The following EVI5 variants were observed in gnomAD, a reference collection of about 807,000 sequenced individuals.
The protein encoded by EVI5 is ecotropic viral integration site 5, also known as ecotropic viral integration site 5 protein homolog.
In EVI5, 73 loss-of-function variants were observed where a neutral mutation model predicts 112.0. The observed-to-expected ratio is 0.65, with a 90% CI of 0.54 to 0.79. The LOEUF is 0.79. EVI5 is among the 30% of genes least tolerant of loss of function. The pLI is 0.00. For synonymous variants in EVI5, 305 were observed against 319.9 expected (o/e 0.95, Z 0.50); for missense variants, 900 against 968.8 (o/e 0.93, Z 0.94).
In EVI5 at chr1:92,537,779, G is replaced by A. The variant is rs150804690; in HGVS notation, c.2167-23809C>T. 3.9e-4 allele frequency among the ~76,000 whole-genome samples: 56 copies of A among 145,052 alleles called. No homozygotes were observed. In the East Asian group the frequency reaches 5.7e-3, roughly 15 times the overall value. On this transcript the variant is annotated intron_variant, in intron 19 of 19. Transcript: ENST00000684568. ...ACAAGAGCCAAAATTCTAATCTACA[G>A]TACTTAAAAAAAAAAAACTAAAAAA... is the stretch of plus-strand genomic sequence containing the variant.
chr1:92,733,936 G>T (rs1421825866), intron 2 of EVI5, among the ~76,000 whole-genome samples: 1 of 152,028 alleles, frequency 6.6e-6, no homozygotes, highest in African/African-American at 2.4e-5. Flanking sequence ...GTCCCTTTTG[G>T]GACACTGTCA....
rs199522412 is a variant in EVI5, at chr1:92,512,085, T to C, written c.*1571A>G. On this transcript the variant is annotated 3_prime_UTR_variant, in exon 20 of 20. Coordinates refer to ENST00000684568, the MANE Select transcript of EVI5 (RefSeq NM_001350197.2). ...TCAACATATTCATGTCGTCTTTCCATAGTGCAAGTATAATTTGGGTGTTTT... is the reference window on the plus strand; with the variant it reads ...TCAACATATTCATGTCGTCTTTCCACAGTGCAAGTATAATTTGGGTGTTTT... 1.3e-5 allele frequency: 2 copies of C among 152,524 alleles called. No homozygotes were observed. The highest frequency in any genetic ancestry group is 2.9e-5 in the Non-Finnish European group (2 of 68,006). The allele number at this position is 152,524 out of a possible 1,614,324, so 9.4% of individuals were successfully genotyped here. A position where few individuals can be genotyped will look rare whatever the true frequency, so the allele number is the denominator to read the frequency against.
chr1:92,759,862 C>T (rs1262688804), intron 1 of EVI5, among the ~76,000 whole-genome samples: 1 of 141,872 alleles, frequency 7.0e-6, no homozygotes, highest in Middle Eastern at 3.4e-3. Context: ...AATACCCTCC[C>T]CCCCACATAC....
rs544104527 is a variant in EVI5 at position 92,614,274 on chromosome 1, C to T, written c.1828-6547G>A. Reference sequence around the variant, plus strand: ...AGTCTGCAGTCCTACACAAGATATCCAGCTTTCAACAAAAAAATTACAAAG... The same window carrying T: ...AGTCTGCAGTCCTACACAAGATATCTAGCTTTCAACAAAAAAATTACAAAG... On this transcript the variant is annotated intron_variant, in intron 16 of 19. Coordinates refer to ENST00000684568, the MANE Select transcript of EVI5 (RefSeq NM_001350197.2). Among the ~76,000 whole-genome samples, 316 of 152,220 alleles carry T rather than the reference C, an allele frequency of 2.1e-3. 2 individuals are homozygous for T. Among genetic ancestry groups the T allele is most frequent in the Non-Finnish European group, 3.5e-3 (240 of 68,010 alleles).
chr1:92,662,557 A>G (rs2102176336), intron 13 of EVI5, among the ~76,000 whole-genome samples, 162 bp downstream of exon 13: 1 of 152,356 alleles, frequency 6.6e-6, no homozygotes. Flanking sequence ...GGCCACAATA[A>G]GACCCCTAAA....
intron 2 of EVI5, among the ~76,000 whole-genome samples, chr1:92,712,450 C>A (rs959961536): frequency 1.3e-5 from 2 of 151,990 alleles, no homozygotes; most frequent in Middle Eastern, 6.8e-3. Flanking sequence ...TACAGACATT[C>A]CAGAAAAACA....
intron 19 of EVI5, among the ~76,000 whole-genome samples, chr1:92,521,536 C>A (rs1392751186): frequency 6.6e-6 from 1 of 151,898 alleles, no homozygotes; most frequent in Admixed American, 6.6e-5. Flanking sequence ...ACTAAAAATA[C>A]AAAAATTAGC....
intron 1 of EVI5, among the ~76,000 whole-genome samples, chr1:92,768,176 A>G (rs771223119): frequency 1.3e-5 from 2 of 151,858 alleles, no homozygotes; most frequent in African/African-American, 4.8e-5. Context: ...ATGCTGCACT[A>G]TAATAGAAAA....
rs150267524 is a variant in EVI5 at position 92,773,643 on chromosome 1, G to C, written c.-82+11193C>G. ...GGAAACAGGGCAAGACCTCATCTCT[G>C]AAAATAAAACAAAAAAATCACAACA... On this transcript the variant is annotated intron_variant, in intron 1 of 19. Transcript: ENST00000684568. Among the ~76,000 whole-genome samples the C allele has an allele frequency of 7.7e-4, 117 of 151,858 alleles. 1 individual carries two copies. Among genetic ancestry groups the C allele is most frequent in the Non-Finnish European group, 1.5e-3 (99 of 67,954 alleles).
chr1:92,708,982 G>A (rs997107097), intron 2 of EVI5, among the ~76,000 whole-genome samples: 1 of 152,182 alleles, frequency 6.6e-6, no homozygotes, highest in East Asian at 1.9e-4. Context: ...GCTAATGTGT[G>A]TGCAGTTTCT....
chr1:92,753,919 TGAAAAA>T (rs1680546729), intron 1 of EVI5, among the ~76,000 whole-genome samples: 1 of 152,072 alleles, frequency 6.6e-6, no homozygotes. Flanking sequence ...TTCCATATTT[TGAAAAA>T]GAAAAAGGAA....
At chr1:92,748,937 A>G (rs991553094) in intron 1 of EVI5, among the ~76,000 whole-genome samples, 3 of 151,932 alleles carry the variant, frequency 2.0e-5, no homozygotes, top group Non-Finnish European at 4.4e-5. Flanking sequence ...GTGGTGGCGT[A>G]TATGTGTAAT....
rs1469689428 is a variant in EVI5, at chr1:92,666,007, A to C, written c.1159-15T>G. The C allele has an allele frequency of 6.3e-7, 1 of 1,582,856 alleles. No individual in the cohort carries two copies. Among genetic ancestry groups the C allele is most frequent in the African/African-American group, 1.4e-5 (1 of 73,100 alleles). Reference sequence around the variant, plus strand: ...GTGCGTAACCTCTGCCAAGAAAAAAAAAGTTTTATTTGCAAGCATTTTTGA... The same window carrying C: ...GTGCGTAACCTCTGCCAAGAAAAAACAAGTTTTATTTGCAAGCATTTTTGA... On this transcript the variant is annotated splice_polypyrimidine_tract_variant and intron_variant, in intron 10 of 19. Coordinates refer to ENST00000684568, the MANE Select transcript of EVI5 (RefSeq NM_001350197.2).
chr1:92,516,183 CTT>C lies in EVI5; in HGVS notation c.2167-2215_2167-2214del, dbSNP rs1235333385. Among the ~76,000 whole-genome samples the C allele has an allele frequency of 3.9e-5, 6 of 152,290 alleles. No individual in the cohort carries two copies. The South Asian group carries it at 1.2e-3, about 32-fold the overall frequency. ...TAAGTCAGTTAATCTCTTCCTTTCTCTTTTTCCCCCAGACCTTTTTGAAGAAA... is the reference window on the plus strand; with the variant it reads ...TAAGTCAGTTAATCTCTTCCTTTCTCTTTCCCCCAGACCTTTTTGAAGAAA... On this transcript the variant is annotated intron_variant, in intron 19 of 19. Coordinates refer to ENST00000684568, the MANE Select transcript of EVI5 (RefSeq NM_001350197.2).
intron 19 of EVI5, among the ~76,000 whole-genome samples, chr1:92,533,155 A>C (rs986366584): frequency 6.6e-6 from 1 of 152,214 alleles, no homozygotes; most frequent in African/African-American, 2.4e-5. Flanking sequence ...AGAGAATGCC[A>C]TAAACACCTC....
At chr1:92,697,740 AAACACTT>A (rs1421620527) in intron 6 of EVI5, 113 bp downstream of exon 6, 7 of 807,710 alleles carry the variant, frequency 8.7e-6, no homozygotes, top group Non-Finnish European at 1.4e-5. Context: ...CATGTAATTA[AAACACTT>A]ACTTCTTCAA....
intron 19 of EVI5, among the ~76,000 whole-genome samples, chr1:92,558,827 C>A (rs1322046629): frequency 2.0e-5 from 3 of 146,588 alleles, no homozygotes; most frequent in Admixed American, 6.8e-5. Flanking sequence ...CATAGTGAGA[C>A]CCCCATCTCT....
chr1:92,751,848 C>G (rs1471250168), intron 1 of EVI5, among the ~76,000 whole-genome samples: 3 of 151,884 alleles, frequency 2.0e-5, no homozygotes, highest in African/African-American at 7.3e-5. Flanking sequence ...CCCATCTCTA[C>G]TAAAAACACA....
At position 92,591,537 on chromosome 1, in the gene EVI5, G is replaced by T. The variant is rs372740932; in HGVS notation, c.2070+13770C>A. On this transcript the variant is annotated intron_variant, in intron 18 of 19. Coordinates refer to ENST00000684568, the MANE Select transcript of EVI5 (RefSeq NM_001350197.2). Reference sequence around the variant, plus strand: ...AGAAGGCCATTACATAATGGTAAAGGGATCAATTCAACAAGAAGACCTAAC... The same window carrying T: ...AGAAGGCCATTACATAATGGTAAAGTGATCAATTCAACAAGAAGACCTAAC... 2.4e-4 allele frequency among the ~76,000 whole-genome samples: 37 copies of T among 152,162 alleles called. No individual in the cohort carries two copies. In the South Asian group the frequency reaches 7.7e-3, roughly 32 times the overall value.
Sources: allele counts gnomAD v4.1 joint callset (sites outside exome capture counted in the v4.1 genomes callset), GRCh38; gene constraint gnomAD v4.1.1; transcripts MANE v1.5; gene names NCBI Gene and HGNC (gene_info 2026-07-23, HGNC 2026-07-21).